The following INPP4A variants were observed in gnomAD, a reference collection of about 807,000 sequenced individuals.
INPP4A encodes the protein inositol polyphosphate-4-phosphatase type I A, also known as inositol polyphosphate-4-phosphatase, type I, 107kD.
In INPP4A, 33 loss-of-function variants were observed where a neutral mutation model predicts 119.8. The observed-to-expected ratio is 0.28, with a 90% CI of 0.21 to 0.37. INPP4A has a LOEUF of 0.37. Among genes scored for constraint, INPP4A ranks in the 10% least tolerant of loss-of-function variants. The pLI, the probability that INPP4A is intolerant of heterozygous loss-of-function variation, is 1.00. For synonymous variants in INPP4A, 496 were observed against 500.7 expected, an observed-to-expected ratio of 0.99 and a Z score of 0.12; for missense variants, 956 against 1,289.9, an observed-to-expected ratio of 0.74 and a Z score of 3.97.
intron 1 of INPP4A, among the ~76,000 whole-genome samples, chr2:98,509,759 A>G (rs1684781020): frequency 6.6e-6 from 1 of 152,204 alleles, no homozygotes; most frequent in Non-Finnish European, 1.5e-5. Context: ...TGCTCAGCAC[A>G]AACATTTTAA....
chr2:98,575,602 A>T (rs1438366678), intron 23 of INPP4A, among the ~76,000 whole-genome samples: 3 of 151,680 alleles, frequency 2.0e-5, no homozygotes, highest in Non-Finnish European at 2.9e-5. Context: ...GTCTTGCCTG[A>T]ACATTGGGTC....
At chr2:98,480,189 T>C (rs1448489366) in intron 1 of INPP4A, among the ~76,000 whole-genome samples, 2 of 152,216 alleles carry the variant, frequency 1.3e-5, no homozygotes, top group Non-Finnish European at 2.9e-5. Context: ...TCTGTTTCTG[T>C]AGGGCATTGG....
At chr2:98,490,885 A>G (rs1680586903) in intron 1 of INPP4A, among the ~76,000 whole-genome samples, 1 of 152,190 alleles carries the variant, frequency 6.6e-6, no homozygotes, top group African/African-American at 2.4e-5. Context: ...CAAAATTATT[A>G]TTTTACAACA....
At chr2:98,531,512 C>A (rs1043786225) in intron 4 of INPP4A, among the ~76,000 whole-genome samples, 1 of 152,116 alleles carries the variant, frequency 6.6e-6, no homozygotes, top group African/African-American at 2.4e-5. Context: ...CAAAGTAATA[C>A]AACAATTCGC....
chr2:98,508,911 C>T (rs1250141212), intron 1 of INPP4A, among the ~76,000 whole-genome samples: 11 of 152,046 alleles, frequency 7.2e-5, no homozygotes, highest in Non-Finnish European at 1.3e-4. Flanking sequence ...AGGCCTGGTG[C>T]GCGGGAGTGA....
chr2:98,471,906 G>GTAACAAT (rs1454550704), intron 1 of INPP4A, among the ~76,000 whole-genome samples: 1 of 152,192 alleles, frequency 6.6e-6, no homozygotes, highest in African/African-American at 2.4e-5. Context: ...GATTGAAGAA[G>GTAACAAT]TAACAATCTT....
chr2:98,477,587 A>G (rs557167673), intron 1 of INPP4A, among the ~76,000 whole-genome samples: 57 of 152,258 alleles, frequency 3.7e-4, no homozygotes, highest in Middle Eastern at 6.8e-3. Flanking sequence ...CCTGCCCTGT[A>G]TCTCCAGGAA....
In INPP4A at chr2:98,555,639, C is replaced by T. The variant is rs1450363483; in HGVS notation, c.1653C>T (p.Gly551=). 11 of 1,613,790 alleles carry T rather than the reference C, an allele frequency of 6.8e-6. No homozygotes were observed. The highest frequency in any genetic ancestry group is 4.5e-5 in the East Asian group (2 of 44,888). ...TGCTGCAGAAGGAGCGGCTGCATGG[C>T]GAGGGCTGTGAGGATGTCTTCCCCT... ...DKLLQKERLH[G]EGCEDVFPCA... Residue 551 remains glycine (G), a synonymous_variant, in exon 16 of 25, where the codon GGC becomes GGT. Coordinates refer to ENST00000409851, the MANE Select transcript of INPP4A (RefSeq NM_001134225.2).
intron 18 of INPP4A, 91 bp from the exon 19 acceptor site, chr2:98,564,549 G>A: frequency 6.7e-7 from 1 of 1,494,216 alleles, no homozygotes; most frequent in Admixed American, 1.8e-5. Flanking sequence ...TGGCAGCAGA[G>A]GAAGGGGGCG....
At position 98,555,573 on chromosome 2, in the gene INPP4A, G is replaced by A; in HGVS notation, c.1587G>A (p.Val529=). 6.2e-7 allele frequency: 1 copy of A among 1,606,148 alleles called. No individual in the cohort carries two copies. Among genetic ancestry groups the A allele is most frequent in the South Asian group, 1.1e-5 (1 of 90,718 alleles). ...EEEWEKVWLN[V]DKSLECIIQR... is the part of the protein sequence containing the mutation. Reference sequence around the variant, plus strand: ...GGAAGGAGAAAGTGTGGCTGAACGTGGACAAGAGCCTAGAGTGCATCATTC... The same window carrying A: ...GGAAGGAGAAAGTGTGGCTGAACGTAGACAAGAGCCTAGAGTGCATCATTC... The change falls in exon 16 of 25, where the codon GTG becomes GTA. Residue 529 remains valine (V), a synonymous_variant. Coordinates refer to ENST00000409851, the MANE Select transcript of INPP4A (RefSeq NM_001134225.2).
intron 4 of INPP4A, among the ~76,000 whole-genome samples, chr2:98,525,915 C>G (rs1688101306): frequency 6.6e-6 from 1 of 152,126 alleles, no homozygotes; most frequent in Non-Finnish European, 1.5e-5. Context: ...CATTGGAAAA[C>G]TGTTGGCTTC....
Position 98,591,266 on chromosome 2 carries a change from A to G in INPP4A, c.*3658A>G. ...GACGAGGGGCTGGACTAAAGTGCTC[A>G]CTGGCACCTTGCTTGGTGCATGGGC... On this transcript the variant is annotated 3_prime_UTR_variant, in exon 25 of 25. Transcript: ENST00000409851. 1 of 168,794 alleles carries G rather than the reference A, an allele frequency of 5.9e-6. No homozygotes were observed. Among genetic ancestry groups the G allele is most frequent in the East Asian group, 1.2e-4 (1 of 8,388 alleles). The allele number at this position is 168,794 out of a possible 1,614,324, so 10.5% of individuals were successfully genotyped here.
At chr2:98,499,220 G>C (rs948615324) in intron 1 of INPP4A, among the ~76,000 whole-genome samples, 5 of 152,238 alleles carry the variant, frequency 3.3e-5, no homozygotes, top group Admixed American at 1.3e-4. Context: ...GCCTGCTGTG[G>C]AGTCGGGTTG....
intron 1 of INPP4A, among the ~76,000 whole-genome samples, chr2:98,471,327 A>C (rs1218821745): frequency 2.0e-5 from 3 of 152,200 alleles, no homozygotes; most frequent in Non-Finnish European, 4.4e-5. Context: ...TGGGTTAAAA[A>C]ATTGAGCTTT....
At chr2:98,500,112 C>T (rs780607452) in intron 1 of INPP4A, among the ~76,000 whole-genome samples, 23 of 152,120 alleles carry the variant, frequency 1.5e-4, no homozygotes, top group African/African-American at 1.2e-4. Flanking sequence ...TAGTTTTGCC[C>T]GTGTATCTCA....
At chr2:98,463,860 C>T (rs1674150630) in intron 1 of INPP4A, among the ~76,000 whole-genome samples, 1 of 152,234 alleles carries the variant, frequency 6.6e-6, no homozygotes, top group East Asian at 1.9e-4. Context: ...CTGAGGAATG[C>T]TGAGGCAGCT....
intron 1 of INPP4A, among the ~76,000 whole-genome samples, chr2:98,492,938 A>G (rs909956411): frequency 3.9e-5 from 6 of 152,178 alleles, no homozygotes; most frequent in Non-Finnish European, 7.4e-5. Context: ...CACCTCCTAC[A>G]TGACAGAGCC....
In INPP4A at chr2:98,563,427, T is replaced by A. The variant is rs1054693707; in HGVS notation, c.1856-38T>A. 1.9e-6 allele frequency: 3 copies of A among 1,578,804 alleles called. No individual in the cohort carries two copies. The African/African-American group carries it at 4.1e-5, about 21-fold the overall frequency. ...TTGCCAGAACCTAATTCTTAAAATC[T>A]CTCTCTCATTGTGATGACCCCTTCG... is the stretch of plus-strand genomic sequence containing the variant. On this transcript the variant is annotated intron_variant, in intron 17 of 24. Coordinates refer to ENST00000409851, the MANE Select transcript of INPP4A (RefSeq NM_001134225.2).
chr2:98,479,181 C>G (rs915918747), intron 1 of INPP4A, among the ~76,000 whole-genome samples: 3 of 152,126 alleles, frequency 2.0e-5, no homozygotes, highest in Admixed American at 2.0e-4. Flanking sequence ...ATCACCTTCC[C>G]CAAACTAGGC....
Sources: gnomAD v4.1 joint callset for allele counts (sites outside exome capture counted in the v4.1 genomes callset) on GRCh38, gnomAD v4.1.1 for gene constraint, MANE v1.5 for transcripts, NCBI Gene and HGNC (gene_info 2026-07-23, HGNC 2026-07-21) for gene names.